Variants in ZBTB20 observed in about 807,000 individuals in gnomAD.
The protein encoded by ZBTB20 is zinc finger and BTB domain containing 20, also known as zinc finger and BTB domain-containing protein 20.
In ZBTB20, 9 loss-of-function variants were observed where a neutral mutation model predicts 56.9. The ratio of observed to expected loss-of-function variants is 0.16; its 90% CI spans 0.10 to 0.28. The LOEUF is 0.28. Among genes scored for constraint, ZBTB20 ranks in the 10% least tolerant of loss-of-function variants. ZBTB20 has a pLI of 1.00. For synonymous variants in ZBTB20, 417 were observed against 420.7 expected (o/e 0.99, Z 0.11); for missense variants, 655 against 1,003.0 (o/e 0.65, Z 4.69).
intron 5 of ZBTB20, among the ~76,000 whole-genome samples, chr3:114,777,124 A>C (rs2069665611): frequency 6.6e-6 from 1 of 152,194 alleles, no homozygotes; most frequent in Non-Finnish European, 1.5e-5. Flanking sequence ...TCTGCACTTG[A>C]GGTAACTTTC....
intron 4 of ZBTB20, among the ~76,000 whole-genome samples, chr3:114,857,152 C>A (rs560349426): frequency 6.6e-6 from 1 of 152,252 alleles, no homozygotes; most frequent in Non-Finnish European, 1.5e-5. Flanking sequence ...ACTCCTACCC[C>A]ATCCTCCATT....
rs575276265 is a variant in ZBTB20 at position 114,686,786 on chromosome 3, G to A, written c.-295+6742C>T. ...TTGTTTTGATCTACATATCTCTAAC[G>A]AGAATGAAGTTCTCCATAAAGGCTA... On this transcript the variant is annotated intron_variant, in intron 6 of 11. Transcript: ENST00000675478. 2.6e-5 allele frequency among the ~76,000 whole-genome samples: 4 copies of A among 152,014 alleles called. No homozygotes were observed. In the East Asian group the frequency reaches 5.8e-4, roughly 22 times the overall value.
chr3:114,484,035 C>T (rs1313969091), intron 7 of ZBTB20, among the ~76,000 whole-genome samples: 2 of 152,040 alleles, frequency 1.3e-5, no homozygotes, highest in African/African-American at 2.4e-5. Context: ...GGCACATGCA[C>T]AATGGCACAG....
intron 7 of ZBTB20, among the ~76,000 whole-genome samples, chr3:114,478,246 G>A (rs916648489): frequency 3.9e-4 from 60 of 152,220 alleles, no homozygotes; most frequent in African/African-American, 1.3e-3. Flanking sequence ...GATTACAGGC[G>A]TGAGCCACCA....
intron 5 of ZBTB20, among the ~76,000 whole-genome samples, chr3:114,788,243 C>T (rs904100067): frequency 6.6e-6 from 1 of 152,090 alleles, no homozygotes; most frequent in African/African-American, 2.4e-5. Flanking sequence ...TTTAAGTGTA[C>T]AGTTCAGTGG....
intron 2 of ZBTB20, among the ~76,000 whole-genome samples, chr3:115,054,385 T>C (rs1185064753): frequency 6.6e-6 from 1 of 152,120 alleles, no homozygotes; most frequent in Middle Eastern, 3.2e-3. Context: ...CATAGCAAGT[T>C]TGTAAGTTTC....
chr3:114,691,192 G>A (rs1329864614), intron 6 of ZBTB20, among the ~76,000 whole-genome samples: 1 of 152,068 alleles, frequency 6.6e-6, no homozygotes, highest in Non-Finnish European at 1.5e-5. Flanking sequence ...AGGATACTAT[G>A]AAGAAAAATA....
intron 2 of ZBTB20, among the ~76,000 whole-genome samples, chr3:114,995,989 T>C (rs1336223447): frequency 6.6e-6 from 1 of 151,754 alleles, no homozygotes; most frequent in African/African-American, 2.4e-5. Context: ...AGAGGGAATG[T>C]CAGCAAATGT....
intron 2 of ZBTB20, among the ~76,000 whole-genome samples, chr3:115,005,122 C>T (rs528782333): frequency 2.3e-4 from 35 of 151,642 alleles, no homozygotes; most frequent in African/African-American, 8.0e-4. Flanking sequence ...GGATTCTTAC[C>T]CTGAAAATTT....
At chr3:114,571,462 C>T (rs919321081) in intron 6 of ZBTB20, among the ~76,000 whole-genome samples, 1 of 152,138 alleles carries the variant, frequency 6.6e-6, no homozygotes, top group Non-Finnish European at 1.5e-5. Flanking sequence ...CTCAGGTTTT[C>T]CCAATTGACT....
At chr3:114,949,683 G>A (rs549944901) in intron 3 of ZBTB20, among the ~76,000 whole-genome samples, 2 of 138,942 alleles carry the variant, frequency 1.4e-5, no homozygotes, top group East Asian at 1.9e-4. Flanking sequence ...CAGGAGAATC[G>A]CTTGAACTCA....
intron 5 of ZBTB20, among the ~76,000 whole-genome samples, chr3:114,765,407 A>C (rs952931972): frequency 6.6e-6 from 1 of 152,178 alleles, no homozygotes; most frequent in Non-Finnish European, 1.5e-5. Flanking sequence ...GGAGAATGCT[A>C]TATTAAAGAT....
intron 2 of ZBTB20, among the ~76,000 whole-genome samples, chr3:115,000,425 G>C (rs1035202160): frequency 6.6e-6 from 1 of 151,432 alleles, no homozygotes; most frequent in African/African-American, 2.4e-5. Context: ...TAAAATAAAG[G>C]ATTTAAAGTA....
intron 6 of ZBTB20, among the ~76,000 whole-genome samples, chr3:114,676,722 G>A (rs987690490): frequency 6.6e-6 from 1 of 150,702 alleles, no homozygotes; most frequent in Non-Finnish European, 1.5e-5. Flanking sequence ...CACTGGACAA[G>A]TGCATTATGG....
intron 3 of ZBTB20, among the ~76,000 whole-genome samples, chr3:114,962,091 A>T (rs2077473993): frequency 6.6e-6 from 1 of 152,114 alleles, no homozygotes; most frequent in South Asian, 2.1e-4. Context: ...GTTTTATTTT[A>T]AAATTGAACT....
intron 6 of ZBTB20, among the ~76,000 whole-genome samples, chr3:114,547,603 A>G (rs1284114402): frequency 1.3e-5 from 2 of 152,190 alleles, no homozygotes; most frequent in Non-Finnish European, 2.9e-5. Context: ...GAGCATCCCA[A>G]TGATTAAGGG....
intron 5 of ZBTB20, among the ~76,000 whole-genome samples, chr3:114,778,459 C>T (rs1166461296): frequency 6.6e-5 from 10 of 151,642 alleles, no homozygotes; most frequent in Non-Finnish European, 1.5e-4. Flanking sequence ...TCTAGTTCAT[C>T]GTTAAAAACA....
chr3:114,941,673 T>C (rs2076728254), intron 3 of ZBTB20, among the ~76,000 whole-genome samples: 1 of 146,486 alleles, frequency 6.8e-6, no homozygotes, highest in Non-Finnish European at 1.5e-5. Flanking sequence ...CAGAAAGTGT[T>C]TAACTTTTGA....
intron 7 of ZBTB20, among the ~76,000 whole-genome samples, chr3:114,449,902 T>G (rs1226267390): frequency 1.3e-5 from 2 of 152,174 alleles, no homozygotes; most frequent in African/African-American, 2.4e-5. Flanking sequence ...ATCTGCAAAT[T>G]TTCTATTTCA....
Sources: allele counts gnomAD v4.1 joint callset (sites outside exome capture counted in the v4.1 genomes callset), GRCh38; gene constraint gnomAD v4.1.1; transcripts MANE v1.5; gene names NCBI Gene and HGNC (gene_info 2026-07-23, HGNC 2026-07-21).